RELN: variants seen among roughly 807,000 people sequenced by gnomAD.
RELN encodes the protein reelin.
A neutral mutation model predicts 427.6 loss-of-function variants in RELN; 108 were observed. The observed-to-expected ratio is 0.25, with a 90% CI of 0.22 to 0.30. The LOEUF is 0.30. Ranked by LOEUF, RELN falls within the 10% of genes least tolerant of loss-of-function variation. The probability of loss-of-function intolerance (pLI) is 1.00; values close to 1 mark genes in which losing one functional copy is unlikely to be tolerated. For synonymous variants in RELN, 1,524 were observed against 1,513.4 expected (o/e 1.01, Z -0.16); for missense variants, 3,715 against 4,302.8 (o/e 0.86, Z 3.82).
intron 38 of RELN, among the ~76,000 whole-genome samples, chr7:103,554,366 T>G (rs1830479900): frequency 2.6e-5 from 4 of 151,578 alleles, no homozygotes; most frequent in Admixed American, 2.0e-4. Flanking sequence ...TGCCCAAGCC[T>G]GGGCAATATG....
intron 63 of RELN, among the ~76,000 whole-genome samples, chr7:103,479,514 C>T (rs10251367): frequency 0.011 from 1,655 of 152,112 alleles, 26 homozygotes; most frequent in African/African-American, 0.038. Flanking sequence ...GGCTAATCAT[C>T]GTGAAATGCT....
intron 16 of RELN, among the ~76,000 whole-genome samples, chr7:103,642,169 C>T (rs1047786757): frequency 6.6e-6 from 1 of 152,048 alleles, no homozygotes; most frequent in Non-Finnish European, 1.5e-5. Flanking sequence ...TTAGGACTTT[C>T]CATTTGGCTA....
intron 2 of RELN, among the ~76,000 whole-genome samples, chr7:103,907,422 A>AGG (rs1449639956): frequency 1.4e-4 from 20 of 146,790 alleles, no homozygotes; most frequent in African/African-American, 4.5e-4. Flanking sequence ...CTGGAAAAAA[A>AGG]AAAAAAAAAA....
intron 17 of RELN, among the ~76,000 whole-genome samples, chr7:103,638,217 G>A (rs555709724): frequency 4.6e-5 from 7 of 152,200 alleles, no homozygotes; most frequent in Non-Finnish European, 1.0e-4. Flanking sequence ...TAAATTTAGC[G>A]GTATAGTCAC....
At chr7:103,686,267 G>A (rs188788061) in intron 10 of RELN, among the ~76,000 whole-genome samples, 19 of 152,234 alleles carry the variant, frequency 1.2e-4, no homozygotes, top group African/African-American at 4.1e-4. Context: ...CCATTAAGGA[G>A]TTGTCACTCA....
At chr7:103,719,572 CACA>C (rs1298263268) in intron 8 of RELN, among the ~76,000 whole-genome samples, 1 of 147,638 alleles carries the variant, frequency 6.8e-6, no homozygotes, top group Non-Finnish European at 1.5e-5. Context: ...ATACTGAGCA[CACA>C]ACAAATATTC....
At chr7:103,768,713 G>C (rs553252597) in intron 4 of RELN, among the ~76,000 whole-genome samples, 1 of 152,130 alleles carries the variant, frequency 6.6e-6, no homozygotes, top group Non-Finnish European at 1.5e-5. Context: ...CCTTCAAAAA[G>C]CGCTCAGTTG....
At chr7:103,885,815 C>G (rs570949880) in intron 2 of RELN, among the ~76,000 whole-genome samples, 3 of 152,146 alleles carry the variant, frequency 2.0e-5, no homozygotes, top group African/African-American at 4.8e-5. Flanking sequence ...AAATGCCTTA[C>G]AAGTTTTAAA....
At chr7:103,847,270 C>T (rs1397850778) in intron 2 of RELN, among the ~76,000 whole-genome samples, 1 of 152,144 alleles carries the variant, frequency 6.6e-6, no homozygotes, top group Admixed American at 6.5e-5. Flanking sequence ...TTTGCAGGGA[C>T]ATGGATGAAG....
chr7:103,604,800 T>C (rs542380874), intron 22 of RELN, among the ~76,000 whole-genome samples: 2 of 150,616 alleles, frequency 1.3e-5, no homozygotes, highest in East Asian at 3.9e-4. Context: ...CATTAAAAAA[T>C]AAAGACATCT....
intron 1 of RELN, among the ~76,000 whole-genome samples, chr7:103,918,564 G>A (rs1795540093): frequency 6.6e-6 from 1 of 152,112 alleles, no homozygotes; most frequent in Admixed American, 6.6e-5. Context: ...ATCAAGGCAG[G>A]CATCTCAAGT....
chr7:103,624,244 T>G (rs1832279128), intron 20 of RELN, among the ~76,000 whole-genome samples: 1 of 152,268 alleles, frequency 6.6e-6, no homozygotes, highest in Non-Finnish European at 1.5e-5. Flanking sequence ...ACATGTAGCA[T>G]TTGTCAATTC....
intron 2 of RELN, among the ~76,000 whole-genome samples, chr7:103,885,105 C>T (rs1054455779): frequency 3.3e-5 from 5 of 152,016 alleles, no homozygotes; most frequent in Admixed American, 2.0e-4. Context: ...TTTGGGAGGC[C>T]GAGGCAGGCG....
intron 8 of RELN, among the ~76,000 whole-genome samples, chr7:103,703,969 A>C (rs548874409): frequency 6.6e-6 from 1 of 152,324 alleles, no homozygotes; most frequent in East Asian, 1.9e-4. Flanking sequence ...GGTAGTCATA[A>C]ACAAAATTAG....
chr7:103,666,016 T>C (rs1171917292), intron 11 of RELN, among the ~76,000 whole-genome samples: 4 of 152,024 alleles, frequency 2.6e-5, no homozygotes, highest in Admixed American at 2.6e-4. Flanking sequence ...TTAATTTCTA[T>C]CACTGTATTT....
chr7:103,698,268 T>G (rs996162509), intron 9 of RELN, among the ~76,000 whole-genome samples, 175 bp from the exon 10 acceptor site: 1 of 152,170 alleles, frequency 6.6e-6, no homozygotes, highest in African/African-American at 2.4e-5. Context: ...ACTATTAAGA[T>G]TTTCATATTG....
At chr7:103,746,618 C>T (rs1233797702) in intron 6 of RELN, among the ~76,000 whole-genome samples, 7 of 152,302 alleles carry the variant, frequency 4.6e-5, no homozygotes, top group African/African-American at 7.2e-5. Flanking sequence ...TGAACAGACA[C>T]TTCTCAAAAG....
rs778552909 is a variant in RELN at position 103,989,361 on chromosome 7, C to CCGCCGT, written c.-6_-5insACGGCG. The CCGCCGT allele has an allele frequency of 1.8e-5, 25 of 1,408,086 alleles. No homozygotes were observed. In the South Asian group the frequency reaches 3.4e-4, roughly 19 times the overall value. 87.2% of individuals were successfully genotyped at this position (1,408,086 alleles called of 1,614,324 possible). On this transcript the variant is annotated 5_prime_UTR_variant, in exon 1 of 65. Coordinates refer to ENST00000428762, the MANE Select transcript of RELN (RefSeq NM_005045.4). This position sits in a 1 kb window ranked among gnomAD's most constrained non-coding sequence, Gnocchi z 4.9. Reference sequence around the variant, plus strand: ...GGCCCAGCCACTGCGCTCCATGCCGCCGCCGCCGCCGCCGCCGCCGCGCGC... The same window carrying CCGCCGT: ...GGCCCAGCCACTGCGCTCCATGCCGCCGCCGTCGCCGCCGCCGCCGCCGCCGCGCGC...
At chr7:103,924,187 T>G (rs1795675716) in intron 1 of RELN, among the ~76,000 whole-genome samples, 1 of 152,160 alleles carries the variant, frequency 6.6e-6, no homozygotes, top group Non-Finnish European at 1.5e-5. Flanking sequence ...TACATGGGTA[T>G]AGTCTCCTGG....
Sources: allele counts gnomAD v4.1 joint callset (sites outside exome capture counted in the v4.1 genomes callset), GRCh38; gene constraint gnomAD v4.1.1; non-coding constraint Gnocchi (gnomAD v3.1); transcripts MANE v1.5; gene names NCBI Gene and HGNC (gene_info 2026-07-23, HGNC 2026-07-21).